The following EXOC6 variants were observed in gnomAD, a reference collection of about 807,000 sequenced individuals.
The protein encoded by EXOC6 is SEC15-like 1.
EXOC6 carries 60 observed loss-of-function variants against 112.5 expected under a neutral mutation model. That is an observed-to-expected ratio of 0.53 (90% CI 0.43 to 0.66). The LOEUF is 0.66. EXOC6 is among the 30% of genes least tolerant of loss of function. The pLI is 0.00. For missense variants in EXOC6, 855 were observed against 957.1 expected (o/e 0.89, Z 1.41); for synonymous variants, 295 against 308.0 (o/e 0.96, Z 0.44).
intron 1 of EXOC6, among the ~76,000 whole-genome samples, chr10:92,852,326 T>C (rs550679509): frequency 4.1e-4 from 62 of 152,218 alleles, no homozygotes; most frequent in Non-Finnish European, 7.8e-4. Context: ...ACAAAGACTT[T>C]TCTGGAAAAT....
In EXOC6 at chr10:92,870,497, T is replaced by C. The variant is rs1454934142; in HGVS notation, c.101+21863T>C. On this transcript the variant is annotated intron_variant, in intron 1 of 21. Transcript: ENST00000260762. ...ACCCCATTTGGTCATGACAATTTGC[T>C]CTTTCAGTGTGTTTTTGAATTCTGT... Among the ~76,000 whole-genome samples the C allele has an allele frequency of 2.0e-5, 3 of 152,198 alleles. 1 individual carries two copies. The highest frequency in any genetic ancestry group is 4.2e-4 in the South Asian group (2 of 4,810).
chr10:92,928,496 C>T lies in EXOC6; in HGVS notation c.972+74C>T, dbSNP rs116384571. Reference sequence around the variant, plus strand: ...TTACCCTGTTTTAATTTCTTCAAAGCATGTATCACTGTTCATTCAACTACA... The same window carrying T: ...TTACCCTGTTTTAATTTCTTCAAAGTATGTATCACTGTTCATTCAACTACA... On this transcript the variant is annotated intron_variant, in intron 9 of 21. Transcript: ENST00000260762. The T allele has an allele frequency of 6.5e-4, 550 of 845,264 alleles. 1 individual carries two copies. In the African/African-American group the frequency reaches 7.4e-3, roughly 11 times the overall value. The allele number at this position is 845,264 out of a possible 1,614,324, so 52.4% of individuals were successfully genotyped here.
chr10:92,863,941 CAAAA>C (rs199835755), intron 1 of EXOC6, among the ~76,000 whole-genome samples: 1 of 135,484 alleles, frequency 7.4e-6, no homozygotes, highest in Non-Finnish European at 1.6e-5. Flanking sequence ...AACAAAAAAA[CAAAA>C]AAAAAAGAAA....
At chr10:92,835,958 A>G (rs1463876297) in intron 1 of EXOC6, among the ~76,000 whole-genome samples, 2 of 152,200 alleles carry the variant, frequency 1.3e-5, no homozygotes, top group East Asian at 1.9e-4. Flanking sequence ...AAAACTCAAC[A>G]ATTTTTTTCC....
intron 6 of EXOC6, among the ~76,000 whole-genome samples, chr10:92,911,219 T>TC (rs1213204668): frequency 6.6e-6 from 1 of 152,168 alleles, no homozygotes; most frequent in African/African-American, 2.4e-5. Flanking sequence ...GATTTTTTTT[T>TC]CCCCCAAGTA....
chr10:92,916,177 C>G (rs891998459), intron 7 of EXOC6: 7 of 286,264 alleles, frequency 2.4e-5, no homozygotes, highest in Admixed American at 1.2e-4. Context: ...CTGCATCAGC[C>G]CTACAAGGAC....
At chr10:92,911,930 TCTGTGTGC>T (rs199680884) in intron 6 of EXOC6, among the ~76,000 whole-genome samples, 1 of 53,400 alleles carries the variant, frequency 1.9e-5, no homozygotes, top group East Asian at 3.8e-3. Context: ...TCTCTCTCTC[TCTGTGTGC>T]GTGTGTGTGT....
chr10:93,046,666 C>T (rs887828630), intron 20 of EXOC6, among the ~76,000 whole-genome samples: 9 of 151,284 alleles, frequency 5.9e-5, no homozygotes, highest in South Asian at 2.1e-4. Context: ...GGCATGATCT[C>T]GGCTCACTGC....
At chr10:92,998,628 CCA>C (rs55823754) in intron 19 of EXOC6, among the ~76,000 whole-genome samples, 5,779 of 141,362 alleles carry the variant, frequency 0.041, 200 homozygotes, top group African/African-American at 0.088. Context: ...CTGTTGCACA[CCA>C]CACACACACA....
chr10:92,943,122 C>T lies in EXOC6; in HGVS notation c.1310+2298C>T, dbSNP rs142483015. ...CTGCAATCTCCGCTTCCTGGGTTCA[C>T]GCCATTCTGCCTCAGCCTCCCTAGT... On this transcript the variant is annotated intron_variant, in intron 13 of 21. Transcript: ENST00000260762. Among the ~76,000 whole-genome samples, 1,156 of 151,626 alleles carry T rather than the reference C, an allele frequency of 7.6e-3. 11 individuals are homozygous for T. Among genetic ancestry groups the T allele is most frequent in the Non-Finnish European group, 0.014 (950 of 67,872 alleles).
intron 13 of EXOC6, among the ~76,000 whole-genome samples, chr10:92,945,899 T>C (rs753945883): frequency 6.6e-6 from 1 of 152,146 alleles, no homozygotes; most frequent in Non-Finnish European, 1.5e-5. Flanking sequence ...TGAAAGTAAA[T>C]ACCAAAAAAG....
At chr10:92,909,101 A>T (rs769638702) in intron 5 of EXOC6, among the ~76,000 whole-genome samples, 37 of 152,310 alleles carry the variant, frequency 2.4e-4, no homozygotes, top group South Asian at 4.1e-4. Context: ...AAATCACTAG[A>T]TGTTATAATT....
chr10:92,831,476 C>A, upstream of EXOC6: 1 of 489,640 alleles, frequency 2.0e-6, no homozygotes, highest in Non-Finnish European at 3.3e-6. Flanking sequence ...CTCTGTCACT[C>A]AGGCTGGAGT....
rs200732879 is a variant in EXOC6 at position 93,018,612 on chromosome 10, A to ACT, written c.2169+4346_2169+4347dup. 6.9e-5 allele frequency among the ~76,000 whole-genome samples: 8 copies of ACT among 116,110 alleles called. No homozygotes were observed. In the East Asian group the frequency reaches 3.8e-3, roughly 55 times the overall value. 76.2% of individuals were successfully genotyped at this position (116,110 alleles called of 152,430 possible). On this transcript the variant is annotated intron_variant, in intron 20 of 21. Transcript: ENST00000260762. The stretch of plus-strand genomic sequence containing the variant: ...TTTGCCTCTTAAATCTTAAAAAGGA[A>ACT]CTTTTTTTTTTTTTACCAGATATTT...
intron 14 of EXOC6, among the ~76,000 whole-genome samples, chr10:92,949,756 C>A (rs941692999): frequency 1.3e-5 from 2 of 152,094 alleles, no homozygotes; most frequent in African/African-American, 4.8e-5. Flanking sequence ...CCATGCCCAG[C>A]TAATTTTGTA....
intron 1 of EXOC6, among the ~76,000 whole-genome samples, chr10:92,854,020 AAAAAG>A (rs1224718322): frequency 1.3e-5 from 2 of 151,862 alleles, no homozygotes; most frequent in East Asian, 3.9e-4. Context: ...AAAAAAAAAA[AAAAAG>A]GAAAGAAAGA....
intron 1 of EXOC6, among the ~76,000 whole-genome samples, chr10:92,879,982 A>T (rs1488212353): frequency 3.3e-5 from 5 of 152,230 alleles, no homozygotes; most frequent in Admixed American, 3.3e-4. Context: ...CACTTCAAAA[A>T]ATAGGGAAAT....
chr10:92,991,885 A>T (rs1843279340), intron 18 of EXOC6, among the ~76,000 whole-genome samples: 1 of 152,122 alleles, frequency 6.6e-6, no homozygotes, highest in East Asian at 1.9e-4. Context: ...ATTGTGGTAA[A>T]CTGATGTGTC....
chr10:92,924,495 C>T (rs1851603139), intron 8 of EXOC6, among the ~76,000 whole-genome samples: 1 of 152,038 alleles, frequency 6.6e-6, no homozygotes, highest in African/African-American at 2.4e-5. Context: ...AGTCTAAGTC[C>T]AATTGTTTAA....
Sources: allele counts gnomAD v4.1 joint callset (sites outside exome capture counted in the v4.1 genomes callset), GRCh38; gene constraint gnomAD v4.1.1; transcripts MANE v1.5; gene names NCBI Gene and HGNC (gene_info 2026-07-23, HGNC 2026-07-21).